The following UBE3A variants were observed in gnomAD, a reference collection of about 807,000 sequenced individuals.
The protein encoded by UBE3A is ubiquitin protein ligase E3A.
Under a neutral mutation model 83.4 loss-of-function variants are expected in UBE3A, and 6 were observed. That is an observed-to-expected ratio of 0.07 (90% CI 0.04 to 0.14). The LOEUF (loss-of-function observed/expected upper bound fraction) is 0.14. UBE3A is among the 10% of genes least tolerant of loss of function. UBE3A has a pLI of 1.00. For synonymous variants in UBE3A, 337 were observed against 355.4 expected (o/e 0.95, Z 0.58); for missense variants, 456 against 1,036.1 (o/e 0.44, Z 7.69).
intron 2 of UBE3A, 199 bp from the exon 3 acceptor site, chr15:25,409,406 A>G (rs1370846834): frequency 3.2e-6 from 1 of 311,390 alleles, no homozygotes; most frequent in Non-Finnish European, 6.0e-6. Flanking sequence ...AGAAAATGTA[A>G]TAATTCCTTG....
intron 7 of UBE3A, among the ~76,000 whole-genome samples, chr15:25,357,730 C>T (rs987241128): frequency 3.9e-5 from 6 of 152,070 alleles, no homozygotes; most frequent in Non-Finnish European, 7.4e-5. Context: ...CTAGCATTTT[C>T]CTAATAAAAT....
intron 1 of UBE3A, among the ~76,000 whole-genome samples, chr15:25,432,961 A>G (rs1893905612): frequency 6.6e-6 from 1 of 152,190 alleles, no homozygotes; most frequent in African/African-American, 2.4e-5. Context: ...ATATGATTCT[A>G]TGTCCCCTAA....
intron 11 of UBE3A, among the ~76,000 whole-genome samples, chr15:25,349,350 G>A (rs1468635058): frequency 6.6e-6 from 1 of 152,020 alleles, no homozygotes. Context: ...GTGGCTTTGG[G>A]CTAGGCAAAG....
At chr15:25,435,053 T>C (rs1567212088) in intron 1 of UBE3A, among the ~76,000 whole-genome samples, 1 of 132,820 alleles carries the variant, frequency 7.5e-6, no homozygotes, top group African/African-American at 3.0e-5. Flanking sequence ...GATACTGGGG[T>C]GGTGGGCTGG....
At chr15:25,376,363 C>G (rs57111857) in intron 4 of UBE3A, among the ~76,000 whole-genome samples, 3,820 of 152,208 alleles carry the variant, frequency 0.025, 167 homozygotes, top group African/African-American at 0.088. Context: ...CGGCTGCAGC[C>G]TGAGTGAGGC....
In UBE3A at chr15:25,337,785, A is replaced by G. The variant is rs2074072259; in HGVS notation, c.*1352T>C. The G allele has an allele frequency of 1.3e-5, 2 of 152,134 alleles. No individual in the cohort carries two copies. Among genetic ancestry groups the G allele is most frequent in the Non-Finnish European group, 2.9e-5 (2 of 68,014 alleles). The allele number at this position is 152,134 out of a possible 1,614,324, so 9.4% of individuals were successfully genotyped here. ...TGTCTCACCTTAGTTAAAAATACAT[A>G]ATCCTTTTATTTTATAATGCAATAA... On this transcript the variant is annotated 3_prime_UTR_variant, in exon 13 of 13. Coordinates refer to ENST00000648336, the MANE Select transcript of UBE3A (RefSeq NM_130839.5).
chr15:25,429,818 A>G (rs1036279530), intron 1 of UBE3A, among the ~76,000 whole-genome samples: 1 of 151,464 alleles, frequency 6.6e-6, no homozygotes, highest in African/African-American at 2.4e-5. Context: ...CAGCATGGCC[A>G]ACATGGTGAA....
At chr15:25,364,641 G>GTTT (rs1260418313) in intron 6 of UBE3A, among the ~76,000 whole-genome samples, 3,273 of 131,934 alleles carry the variant, frequency 0.025, 159 homozygotes, top group African/African-American at 0.095. Flanking sequence ...GGTTTTTTTT[G>GTTT]TTTGTTTTTT....
rs2074502919 is a variant in UBE3A, at chr15:25,340,165, T to C, written c.2418A>G (p.Thr806=). The C allele has an allele frequency of 4.3e-6, 7 of 1,614,088 alleles. No individual in the cohort carries two copies. The highest frequency in any genetic ancestry group is 5.9e-6 in the Non-Finnish European group (7 of 1,179,968). The change falls in exon 12 of 13, where the codon ACA becomes ACG. Residue 806 remains threonine, a synonymous_variant. Transcript: ENST00000648336. ...CCACAGGTGCTCTGTCTGTGCCCGTTGTAAACTGCAAGAAGAGTCTTTTCT... is the reference window on the plus strand; with the variant it reads ...CCACAGGTGCTCTGTCTGTGCCCGTCGTAAACTGCAAGAAGAGTCTTTTCT... The part of the protein sequence containing the change: ...DEQKRLFLQF[T]TGTDRAPVGG...
chr15:25,405,714 T>C, intron 3 of UBE3A: 2 of 579,236 alleles, frequency 3.5e-6, no homozygotes, highest in Non-Finnish European at 6.2e-6. Context: ...AAAAACTCAA[T>C]GCATGTTTTT....
chr15:25,429,529 C>A (rs66955274), intron 1 of UBE3A, among the ~76,000 whole-genome samples: 18,082 of 151,968 alleles, frequency 0.12, 1,145 homozygotes, highest in Middle Eastern at 0.23. Flanking sequence ...TCACTAAAAA[C>A]AAAATTACAA....
chr15:25,335,944 G>T lies in UBE3A; in HGVS notation c.*3193C>A, dbSNP rs2073941249. 1 of 152,146 alleles carries T rather than the reference G, an allele frequency of 6.6e-6. No homozygotes were observed. Among genetic ancestry groups the T allele is most frequent in the Admixed American group, 6.5e-5 (1 of 15,278 alleles). The allele number at this position is 152,146 out of a possible 1,614,324, so 9.4% of individuals were successfully genotyped here. ...CAAGGTTATAGATGTTACTGATTTT[G>T]GCAATGAGGAGATTATAAGGATCCT... On this transcript the variant is annotated 3_prime_UTR_variant, in exon 13 of 13. Coordinates refer to ENST00000648336, the MANE Select transcript of UBE3A (RefSeq NM_130839.5).
chr15:25,433,276 C>T (rs953702163), intron 1 of UBE3A, among the ~76,000 whole-genome samples: 4 of 151,940 alleles, frequency 2.6e-5, no homozygotes, highest in Non-Finnish European at 5.9e-5. Context: ...CTCCGCCTCC[C>T]GTGTTCAAGC....
chr15:25,388,536 TCTTA>T (rs1241484074), intron 4 of UBE3A, among the ~76,000 whole-genome samples: 1 of 152,076 alleles, frequency 6.6e-6, no homozygotes, highest in Non-Finnish European at 1.5e-5. Context: ...CTAGAAACTT[TCTTA>T]CTAAGATCAG....
intron 11 of UBE3A, among the ~76,000 whole-genome samples, chr15:25,348,657 A>G (rs1170235678): frequency 1.3e-5 from 2 of 152,178 alleles, no homozygotes; most frequent in Non-Finnish European, 2.9e-5. Flanking sequence ...ATAAAAATCG[A>G]TTTTATTTCA....
intron 3 of UBE3A, among the ~76,000 whole-genome samples, chr15:25,406,710 A>G (rs200215160): frequency 1.9e-4 from 27 of 143,436 alleles, no homozygotes; most frequent in Non-Finnish European, 2.9e-4. Flanking sequence ...ACACACACAC[A>G]CACACGCACA....
At chr15:25,410,338 T>C (rs2153078694) in intron 2 of UBE3A, among the ~76,000 whole-genome samples, 1 of 152,228 alleles carries the variant, frequency 6.6e-6, no homozygotes, top group African/African-American at 2.4e-5. Context: ...ATTGTCACAG[T>C]TCAAATTTAG....
At position 25,354,645 on chromosome 15, in the gene UBE3A, T is replaced by C. The variant is rs992268686; in HGVS notation, c.2163A>G (p.Lys721=). The change falls in exon 10 of 13, where the codon AAA becomes AAG. Residue 721 remains lysine, a synonymous_variant. Coordinates refer to ENST00000648336, the MANE Select transcript of UBE3A (RefSeq NM_130839.5). ...VNLYSDYILN[K]SVEKQFKAFR... Reference sequence around the variant, plus strand: ...AAGCCTTGAACTGTTTTTCTACTGATTTATTGAGAATGTAGTCAGAATAAA... The same window carrying C: ...AAGCCTTGAACTGTTTTTCTACTGACTTATTGAGAATGTAGTCAGAATAAA... 3.7e-6 allele frequency: 6 copies of C among 1,613,394 alleles called. No homozygotes were observed. In the African/African-American group the frequency reaches 5.3e-5, roughly 14 times the overall value.
At chr15:25,382,371 A>G (rs2082332550) in intron 4 of UBE3A, among the ~76,000 whole-genome samples, 1 of 151,258 alleles carries the variant, frequency 6.6e-6, no homozygotes, top group African/African-American at 2.4e-5. Flanking sequence ...TTATAGTCTC[A>G]ATATCCAGAA....
Sources: allele counts gnomAD v4.1 joint callset (sites outside exome capture counted in the v4.1 genomes callset), GRCh38; gene constraint gnomAD v4.1.1; transcripts MANE v1.5; gene names NCBI Gene and HGNC (gene_info 2026-07-23, HGNC 2026-07-21).